The following MS4A5 variants were observed in gnomAD, a reference collection of about 807,000 sequenced individuals.
MS4A5 encodes membrane spanning 4-domains A5.
A neutral mutation model predicts 18.2 loss-of-function variants in MS4A5; 15 were observed. The observed-to-expected ratio is 0.83, with a 90% confidence interval of 0.55 to 1.27. MS4A5 has a LOEUF of 1.27. Among genes scored for constraint, MS4A5 ranks in the 50% most tolerant of loss-of-function variants. The pLI, the probability that MS4A5 is intolerant of heterozygous loss-of-function variation, is 0.00. For synonymous variants in MS4A5, 89 were observed against 78.7 expected (o/e 1.13, Z -0.69); for missense variants, 232 against 225.7 (o/e 1.03, Z -0.18).
chr11:60,430,668 C>T, intron 1 of MS4A5, 128 bp from the exon 2 acceptor site: 1 of 1,041,120 alleles, frequency 9.6e-7, no homozygotes, highest in South Asian at 1.4e-5. Flanking sequence ...AAAGGGACTT[C>T]TATTATTCTT....
chr11:60,439,944 C>A (rs11230320), intron 4 of MS4A5, among the ~76,000 whole-genome samples: 1 of 125,546 alleles, frequency 8.0e-6, no homozygotes, highest in Admixed American at 8.8e-5. Context: ...TCATATGGGA[C>A]CAAAAAAGAG....
At chr11:60,434,704 A>G (rs944094081) in intron 4 of MS4A5, among the ~76,000 whole-genome samples, 3 of 152,204 alleles carry the variant, frequency 2.0e-5, no homozygotes, top group East Asian at 1.9e-4. Flanking sequence ...TGGAACTACT[A>G]GATCAATTTT....
Position 60,433,811 on chromosome 11 carries a change from T to C in MS4A5, c.386T>C (p.Ile129Thr). The C allele has an allele frequency of 6.2e-7, 1 of 1,613,940 alleles. No homozygotes were observed. Among genetic ancestry groups the C allele is most frequent in the Non-Finnish European group, 8.5e-7 (1 of 1,179,796 alleles). ...IMNFLSALGA[I>T]AGIILLTFGF... ...AATTTTCTTAGTGCCCTGGGAGCAA[T>C]AGCTGGAATCATTCTCCTCACATTT... is the stretch of plus-strand genomic sequence containing the variant. Residue 129 changes from isoleucine to threonine, a missense_variant, in exon 4 of 5, where the codon ATA becomes ACA. By Grantham distance (89) the Ile-to-Thr change is moderately conservative. Coordinates refer to ENST00000300190, the MANE Select transcript of MS4A5 (RefSeq NM_023945.3).
At chr11:60,444,531 A>C (rs909737467) in intron 4 of MS4A5, among the ~76,000 whole-genome samples, 10 of 152,204 alleles carry the variant, frequency 6.6e-5, no homozygotes, top group South Asian at 2.1e-4. Flanking sequence ...TCTCTCTCAC[A>C]AAAGACCCAC....
intron 4 of MS4A5, among the ~76,000 whole-genome samples, chr11:60,441,296 GAGGGATAGCAT>G (rs2086110314): frequency 8.3e-6 from 1 of 121,058 alleles, no homozygotes; most frequent in African/African-American, 2.8e-5. Context: ...GGGAGGGGGG[GAGGGATAGCAT>G]CGGGAGATAT....
intron 4 of MS4A5, 126 bp downstream of exon 4, chr11:60,434,043 T>C (rs2086065713): frequency 1.2e-6 from 1 of 853,936 alleles, no homozygotes; most frequent in African/African-American, 1.7e-5. Context: ...CAAACATTTA[T>C]GAAATCCATA....
chr11:60,434,512 G>T (rs2086068304), intron 4 of MS4A5, among the ~76,000 whole-genome samples: 1 of 152,162 alleles, frequency 6.6e-6, no homozygotes, highest in Admixed American at 6.5e-5. Context: ...CAGAGCCTAA[G>T]AAATACTTAA....
At chr11:60,444,996 C>CA (rs2086131750) in intron 4 of MS4A5, among the ~76,000 whole-genome samples, 2 of 152,120 alleles carry the variant, frequency 1.3e-5, no homozygotes, top group Non-Finnish European at 2.9e-5. Flanking sequence ...GCTAATTATT[C>CA]AAATAATAGA....
At position 60,429,824 on chromosome 11, in the gene MS4A5, A is replaced by G; in HGVS notation, c.150A>G (p.Leu50=). ...TATTTGCTAGAAAAATGAAAATCTTAGGGGTAAGTAAGACTTGCCCCTATG... is the reference window on the plus strand; with the variant it reads ...TATTTGCTAGAAAAATGAAAATCTTGGGGGTAAGTAAGACTTGCCCCTATG... The part of the protein sequence containing the change: ...QKLFARKMKI[L]GTIQILFGIM... The change falls in exon 1 of 5, where the codon TTA becomes TTG. Residue 50 remains leucine, a synonymous_variant. Coordinates refer to ENST00000300190, the MANE Select transcript of MS4A5 (RefSeq NM_023945.3). 1 of 1,613,244 alleles carries G rather than the reference A, an allele frequency of 6.2e-7. No individual in the cohort carries two copies. Among genetic ancestry groups the G allele is most frequent in the Non-Finnish European group, 8.5e-7 (1 of 1,179,820 alleles).
intron 4 of MS4A5, 92 bp from the exon 5 acceptor site, chr11:60,447,557 A>T (rs2086147939): frequency 5.9e-6 from 4 of 673,518 alleles, no homozygotes; most frequent in Non-Finnish European, 1.0e-5. Flanking sequence ...AGCTTTTATT[A>T]TCTGGGCATC....
At chr11:60,430,618 T>C (rs925303029) in intron 1 of MS4A5, among the ~76,000 whole-genome samples, 178 bp from the exon 2 acceptor site, 1 of 152,192 alleles carries the variant, frequency 6.6e-6, no homozygotes, top group East Asian at 1.9e-4. Flanking sequence ...TATCACCAAA[T>C]ACCAGATAGA....
intron 4 of MS4A5, among the ~76,000 whole-genome samples, chr11:60,440,590 A>G (rs2086105496): frequency 2.0e-5 from 3 of 149,082 alleles, no homozygotes. Flanking sequence ...GAAAAAAACA[A>G]ACAACCCCAT....
chr11:60,447,359 G>GCTATGGTATC (rs2086146515), intron 4 of MS4A5, among the ~76,000 whole-genome samples: 1 of 151,546 alleles, frequency 6.6e-6, no homozygotes, highest in Non-Finnish European at 1.5e-5. Flanking sequence ...GCTATGCTAT[G>GCTATGGTATC]CTATGCTATG....
At chr11:60,445,482 A>T (rs1355241136) in intron 4 of MS4A5, among the ~76,000 whole-genome samples, 4 of 151,946 alleles carry the variant, frequency 2.6e-5, no homozygotes, top group Admixed American at 2.6e-4. Flanking sequence ...CTGGTCTCAA[A>T]CTCCTGAGCT....
At position 60,429,888 on chromosome 11, in the gene MS4A5, T is replaced by A. The variant is rs908928950; in HGVS notation, c.153+61T>A. The A allele has an allele frequency of 4.0e-6, 6 of 1,500,402 alleles. No individual in the cohort carries two copies. In the African/African-American group the frequency reaches 7.0e-5, roughly 17 times the overall value. 92.9% of individuals were successfully genotyped at this position (1,500,402 alleles called of 1,614,324 possible). ...GGCAGGGGAAAGGCTAGGGAAATTA[T>A]CTGTTGGCACATGTTTGAAGGTAGG... On this transcript the variant is annotated intron_variant, in intron 1 of 4. Transcript: ENST00000300190.
At chr11:60,432,968 T>C (rs961412430) in intron 3 of MS4A5, among the ~76,000 whole-genome samples, 1 of 152,172 alleles carries the variant, frequency 6.6e-6, no homozygotes, top group Non-Finnish European at 1.5e-5. Context: ...TATAACCCAT[T>C]ATGCTAGAGG....
chr11:60,445,329 G>A (rs757276255), intron 4 of MS4A5, among the ~76,000 whole-genome samples: 6 of 151,604 alleles, frequency 4.0e-5, no homozygotes, highest in South Asian at 2.1e-4. Flanking sequence ...ATGTCATCTC[G>A]GCTTACTGCA....
At chr11:60,434,821 C>A (rs2086069806) in intron 4 of MS4A5, among the ~76,000 whole-genome samples, 1 of 152,146 alleles carries the variant, frequency 6.6e-6, no homozygotes, top group Non-Finnish European at 1.5e-5. Context: ...GGAATCCAAT[C>A]CCTGGCCCAT....
intron 2 of MS4A5, among the ~76,000 whole-genome samples, chr11:60,431,820 A>G (rs1373437613): frequency 6.6e-6 from 1 of 152,202 alleles, no homozygotes; most frequent in East Asian, 1.9e-4. Flanking sequence ...GTGAACTATA[A>G]GAGTTCAGCA....
Sources: allele counts gnomAD v4.1 joint callset (sites outside exome capture counted in the v4.1 genomes callset), GRCh38; gene constraint gnomAD v4.1.1; transcripts MANE v1.5; gene names NCBI Gene and HGNC (gene_info 2026-07-23, HGNC 2026-07-21).